The following ROBO2 variants were observed in gnomAD, a reference collection of about 807,000 sequenced individuals.
ROBO2 encodes the protein roundabout homolog 2.
A neutral mutation model predicts 160.8 loss-of-function variants in ROBO2; 53 were observed. The observed-to-expected ratio is 0.33, with a 90% confidence interval of 0.26 to 0.41. The LOEUF is 0.41. Among genes scored for constraint, ROBO2 ranks in the 10% least tolerant of loss-of-function variants. The pLI, the probability that ROBO2 is intolerant of heterozygous loss-of-function variation, is 1.00. For synonymous variants in ROBO2, 664 were observed against 611.7 expected, an observed-to-expected ratio of 1.09 and a Z score of -1.26; for missense variants, 1,577 against 1,722.4, an observed-to-expected ratio of 0.92 and a Z score of 1.49.
At chr3:77,007,877 T>G (rs1263925456) in intron 2 of ROBO2, among the ~76,000 whole-genome samples, 1 of 152,096 alleles carries the variant, frequency 6.6e-6, no homozygotes, top group African/African-American at 2.4e-5. Flanking sequence ...ACTTTTTTTA[T>G]GGTATAATGT....
chr3:76,554,323 A>C (rs1335510288), intron 2 of ROBO2, among the ~76,000 whole-genome samples: 1 of 152,204 alleles, frequency 6.6e-6, no homozygotes, highest in African/African-American at 2.4e-5. Flanking sequence ...AACAGTAATT[A>C]TCTCCAGGAG....
At chr3:75,988,693 T>A (rs1229735119) in intron 2 of ROBO2, among the ~76,000 whole-genome samples, 1 of 152,008 alleles carries the variant, frequency 6.6e-6, no homozygotes, top group Non-Finnish European at 1.5e-5. Flanking sequence ...TTTTTATTCA[T>A]CTCCAAGTAT....
At chr3:77,281,858 C>T (rs1354674323) in intron 2 of ROBO2, among the ~76,000 whole-genome samples, 2 of 152,036 alleles carry the variant, frequency 1.3e-5, no homozygotes, top group Admixed American at 1.3e-4. Flanking sequence ...ACGCAGTTCA[C>T]AATAGGGTAA....
intron 2 of ROBO2, among the ~76,000 whole-genome samples, chr3:76,758,715 CTT>C (rs757931417): frequency 6.6e-5 from 10 of 151,786 alleles, no homozygotes; most frequent in Non-Finnish European, 1.3e-4. Context: ...TGATAGGAAT[CTT>C]AACACAATAG....
At chr3:76,956,119 C>T (rs2079237698) in intron 2 of ROBO2, among the ~76,000 whole-genome samples, 1 of 152,078 alleles carries the variant, frequency 6.6e-6, no homozygotes, top group Non-Finnish European at 1.5e-5. Flanking sequence ...TCATGAAAAT[C>T]GCAGAAATTT....
At chr3:75,909,685 G>A (rs528257379) in intron 1 of ROBO2, among the ~76,000 whole-genome samples, 19 of 152,282 alleles carry the variant, frequency 1.2e-4, no homozygotes, top group Non-Finnish European at 2.1e-4. Flanking sequence ...AGCAGTGTAT[G>A]TGTGATACTC....
At chr3:75,958,669 A>C (rs1433097959) in intron 2 of ROBO2, among the ~76,000 whole-genome samples, 1 of 151,772 alleles carries the variant, frequency 6.6e-6, no homozygotes, top group Admixed American at 6.6e-5. Context: ...AAAAGTAGGT[A>C]GGATTTTATT....
chr3:76,992,325 C>CTATATATATATA (rs10530833), intron 2 of ROBO2, among the ~76,000 whole-genome samples: 7 of 46,896 alleles, frequency 1.5e-4, no homozygotes, highest in South Asian at 8.0e-4. Flanking sequence ...CCATGTATTA[C>CTATATATATATA]TATATATATA....
chr3:77,087,028 T>G (rs1370761126), intron 1 of ROBO2, among the ~76,000 whole-genome samples: 2 of 152,100 alleles, frequency 1.3e-5, no homozygotes, highest in Non-Finnish European at 2.9e-5. Flanking sequence ...TCATTGCTGG[T>G]GGGAATGGTG....
At chr3:77,228,870 A>G (rs1254757377) in intron 2 of ROBO2, among the ~76,000 whole-genome samples, 2 of 152,194 alleles carry the variant, frequency 1.3e-5, no homozygotes, top group Non-Finnish European at 2.9e-5. Context: ...GTCCAGGTTA[A>G]CCTCATCAAT....
chr3:76,282,993 T>A (rs1306303954), intron 2 of ROBO2, among the ~76,000 whole-genome samples: 1 of 146,446 alleles, frequency 6.8e-6, no homozygotes, highest in African/African-American at 2.4e-5. Context: ...ATTTTTTCTT[T>A]ATTTTAAGAA....
At chr3:76,792,269 A>C (rs1349266026) in intron 2 of ROBO2, among the ~76,000 whole-genome samples, 1 of 151,926 alleles carries the variant, frequency 6.6e-6, no homozygotes, top group African/African-American at 2.4e-5. Context: ...TTTGCAACAT[A>C]GAAATATTTG....
intron 2 of ROBO2, among the ~76,000 whole-genome samples, chr3:76,211,849 A>G (rs1465194175): frequency 6.6e-6 from 1 of 152,022 alleles, no homozygotes; most frequent in Non-Finnish European, 1.5e-5. Context: ...AAAGTATATC[A>G]GAGTAGTTGC....
At chr3:76,486,319 A>T (rs1043523673) in intron 2 of ROBO2, among the ~76,000 whole-genome samples, 1 of 152,128 alleles carries the variant, frequency 6.6e-6, no homozygotes, top group Non-Finnish European at 1.5e-5. Context: ...GAGTGATTCT[A>T]TACGATTAAC....
intron 2 of ROBO2, among the ~76,000 whole-genome samples, chr3:76,735,786 A>AGGGG (rs71104616): frequency 0.61 from 77,017 of 125,868 alleles, 23,620 homozygotes; most frequent in Admixed American, 0.65. Context: ...GAAAAAAAAA[A>AGGGG]GGGGAAAGGG....
intron 2 of ROBO2, among the ~76,000 whole-genome samples, chr3:76,835,036 T>G (rs754672067): frequency 6.6e-6 from 1 of 152,106 alleles, no homozygotes; most frequent in Non-Finnish European, 1.5e-5. Flanking sequence ...TTAAGAATTT[T>G]TATAAAACAA....
intron 2 of ROBO2, among the ~76,000 whole-genome samples, chr3:76,912,690 T>C (rs1056694519): frequency 6.6e-6 from 1 of 152,180 alleles, no homozygotes; most frequent in Non-Finnish European, 1.5e-5. Flanking sequence ...AGAAACAATT[T>C]CATAATTGTT....
At chr3:76,241,384 CT>C (rs1222136997) in intron 2 of ROBO2, among the ~76,000 whole-genome samples, 1 of 152,220 alleles carries the variant, frequency 6.6e-6, no homozygotes, top group Non-Finnish European at 1.5e-5. Context: ...TGAACAAACA[CT>C]TACTGGTCAT....
chr3:75,910,600 G>A (rs1435061337), intron 1 of ROBO2, among the ~76,000 whole-genome samples: 1 of 152,128 alleles, frequency 6.6e-6, no homozygotes, highest in Non-Finnish European at 1.5e-5. Flanking sequence ...GGGAGTAGTA[G>A]ATGAAATTTA....
Sources: gnomAD v4.1 joint callset for allele counts (sites outside exome capture counted in the v4.1 genomes callset) on GRCh38, gnomAD v4.1.1 for gene constraint, MANE v1.5 for transcripts, NCBI Gene and HGNC (gene_info 2026-07-23, HGNC 2026-07-21) for gene names.